The following ERGIC2 variants were observed in gnomAD, a reference collection of about 807,000 sequenced individuals.
The protein encoded by ERGIC2 is ERGIC and golgi 2.
Under a neutral mutation model 52.5 loss-of-function variants are expected in ERGIC2, and 31 were observed. The observed-to-expected ratio is 0.59, with a 90% CI of 0.44 to 0.80. ERGIC2 has a LOEUF of 0.80. Among genes scored for constraint, ERGIC2 ranks in the 30% least tolerant of loss-of-function variants. The probability of loss-of-function intolerance (pLI) is 0.00; values close to 1 mark genes in which losing one functional copy is unlikely to be tolerated. For synonymous variants in ERGIC2, 129 were observed against 140.6 expected (o/e 0.92, Z 0.58); for missense variants, 395 against 455.2 (o/e 0.87, Z 1.20).
In ERGIC2 at chr12:29,345,575, A is replaced by G. The variant is rs767152637; in HGVS notation, c.728-35T>C. ...AAAAAAAACTTTTTATCAATTCAGT[A>G]GCAACAAAACTACTGCCAAATATAT... On this transcript the variant is annotated intron_variant, in intron 10 of 13. Transcript: ENST00000360150. 9.9e-6 allele frequency: 11 copies of G among 1,114,804 alleles called. No homozygotes were observed. The South Asian group carries it at 1.4e-4, about 14-fold the overall frequency. The allele number at this position is 1,114,804 out of a possible 1,614,324, so 69.1% of individuals were successfully genotyped here.
intron 2 of ERGIC2, among the ~76,000 whole-genome samples, chr12:29,370,501 TAAGTA>T (rs1157630289): frequency 6.6e-6 from 1 of 151,952 alleles, no homozygotes; most frequent in African/African-American, 2.4e-5. Flanking sequence ...CATCTCTCAC[TAAGTA>T]GAGTTGACAA....
At chr12:29,379,333 C>T (rs1565547870) in intron 1 of ERGIC2, among the ~76,000 whole-genome samples, 1 of 151,834 alleles carries the variant, frequency 6.6e-6, no homozygotes, top group Non-Finnish European at 1.5e-5. Context: ...CTGAGCCACA[C>T]TACAACGTGA....
At chr12:29,342,965 G>A (rs552720892) in intron 12 of ERGIC2, among the ~76,000 whole-genome samples, 155 bp downstream of exon 12, 19 of 152,234 alleles carry the variant, frequency 1.2e-4, no homozygotes, top group African/African-American at 4.3e-4. Flanking sequence ...ATGTTTACTG[G>A]TTAGTCAATA....
rs1435857991 is a variant in ERGIC2, at chr12:29,356,408, T to G, written c.546A>C (p.Ala182=). The change falls in exon 8 of 14, where the codon GCA becomes GCC. Residue 182 remains alanine (A), a synonymous_variant. Transcript: ENST00000360150. Reference sequence around the variant, plus strand: ...TGCCCACTGTTATGTGAAAATTCCCTGCTACTTTATTGACATATAGATGGC... The same window carrying G: ...TGCCCACTGTTATGTGAAAATTCCCGGCTACTTTATTGACATATAGATGGC... ...IHGHLYVNKV[A]GNFHITVGKA... is the part of the protein sequence containing the mutation. The G allele has an allele frequency of 1.3e-6, 2 of 1,594,448 alleles. No homozygotes were observed. The highest frequency in any genetic ancestry group is 2.2e-5 in the South Asian group (2 of 90,664).
rs770812888 is a variant in ERGIC2, at chr12:29,350,001, G to C, written c.628+12C>G. On this transcript the variant is annotated intron_variant, in intron 9 of 13. Coordinates refer to ENST00000360150, the MANE Select transcript of ERGIC2 (RefSeq NM_016570.3). Reference sequence around the variant, plus strand: ...GTACATCTTTACTGAAAAAAAGTCAGAATCTGCTTACATTCATGGTTGACA... The same window carrying C: ...GTACATCTTTACTGAAAAAAAGTCACAATCTGCTTACATTCATGGTTGACA... 9 of 1,573,934 alleles carry C rather than the reference G, an allele frequency of 5.7e-6. No individual in the cohort carries two copies. The highest frequency in any genetic ancestry group is 1.4e-5 in the African/African-American group (1 of 73,960).
At chr12:29,345,753 C>A (rs1169050032) in intron 10 of ERGIC2, among the ~76,000 whole-genome samples, 1 of 151,942 alleles carries the variant, frequency 6.6e-6, no homozygotes, top group Non-Finnish European at 1.5e-5. Context: ...CGCGACCAGT[C>A]TGGTCAAGAG....
chr12:29,356,551 G>C, intron 7 of ERGIC2, 74 bp from the exon 8 acceptor site: 1 of 717,110 alleles, frequency 1.4e-6, no homozygotes, highest in Non-Finnish European at 2.3e-6. Context: ...AATGTGTATA[G>C]AAAAAAAAAT....
At chr12:29,351,419 T>C (rs142694252) in intron 8 of ERGIC2, among the ~76,000 whole-genome samples, 2 of 152,154 alleles carry the variant, frequency 1.3e-5, no homozygotes, top group Non-Finnish European at 2.9e-5. Flanking sequence ...ATAAAAATAT[T>C]CTTGCCTATA....
intron 5 of ERGIC2, among the ~76,000 whole-genome samples, chr12:29,362,534 T>G (rs149456443): frequency 6.6e-6 from 1 of 152,062 alleles, no homozygotes; most frequent in Non-Finnish European, 1.5e-5. Context: ...GAGGTGGAAG[T>G]TGCAGTGAGC....
At chr12:29,375,788 T>C (rs74782160) in intron 1 of ERGIC2, among the ~76,000 whole-genome samples, 2,342 of 152,226 alleles carry the variant, frequency 0.015, 57 homozygotes, top group African/African-American at 0.053. Flanking sequence ...CCATCCCTGT[T>C]TTCCAGGGGA....
At chr12:29,377,987 G>A (rs572037267) in intron 1 of ERGIC2, among the ~76,000 whole-genome samples, 1 of 152,278 alleles carries the variant, frequency 6.6e-6, no homozygotes, top group South Asian at 2.1e-4. Flanking sequence ...CCAAGTTGCA[G>A]TCTGAACTGT....
chr12:29,356,394 A>T lies in ERGIC2; in HGVS notation c.560T>A (p.Ile187Lys). 1 of 1,570,704 alleles carries T rather than the reference A, an allele frequency of 6.4e-7. No individual in the cohort carries two copies. Among genetic ancestry groups the T allele is most frequent in the Non-Finnish European group, 8.8e-7 (1 of 1,140,484 alleles). The change falls in exon 8 of 14, where the codon ATA becomes AAA. Residue 187 changes from isoleucine (I) to lysine (K), a missense_variant. By Grantham distance (102) the Ile-to-Lys change is moderately radical (BLOSUM62 -3). Transcript: ENST00000360150. Reference sequence around the variant, plus strand: ...GAAAAGAACATACTTGCCCACTGTTATGTGAAAATTCCCTGCTACTTTATT... The same window carrying T: ...GAAAAGAACATACTTGCCCACTGTTTTGTGAAAATTCCCTGCTACTTTATT... Reference protein sequence around the residue: ...YVNKVAGNFHITVGKAIPHPR... With the variant: ...YVNKVAGNFHKTVGKAIPHPR...
intron 1 of ERGIC2, chr12:29,380,750 G>C (rs1204366882): frequency 6.6e-6 from 1 of 152,358 alleles, no homozygotes. Context: ...ACTGGGACTC[G>C]ACCGATTGGG....
intron 5 of ERGIC2, among the ~76,000 whole-genome samples, chr12:29,363,889 A>G (rs1940319985): frequency 1.3e-5 from 2 of 152,016 alleles, no homozygotes; most frequent in African/African-American, 4.8e-5. Flanking sequence ...ACAGAATGCT[A>G]GAGAAACAGT....
chr12:29,374,076 C>T (rs557908497), intron 1 of ERGIC2, among the ~76,000 whole-genome samples: 4 of 152,070 alleles, frequency 2.6e-5, no homozygotes, highest in Non-Finnish European at 5.9e-5. Flanking sequence ...AGTCCAACTC[C>T]AACAATACAT....
At chr12:29,375,312 A>G (rs1355716828) in intron 1 of ERGIC2, among the ~76,000 whole-genome samples, 7 of 152,188 alleles carry the variant, frequency 4.6e-5, no homozygotes, top group Non-Finnish European at 1.0e-4. Flanking sequence ...AGCAGGAACC[A>G]TGTCTAACTT....
rs755870893 is a variant in ERGIC2 at position 29,356,470 on chromosome 12, C to T, written c.484G>A (p.Asp162Asn). The T allele has an allele frequency of 1.2e-5, 18 of 1,554,110 alleles. No individual in the cohort carries two copies. The highest frequency in any genetic ancestry group is 1.6e-5 in the Non-Finnish European group (18 of 1,126,224). Residue 162 changes from aspartate (D) to asparagine (N), a missense_variant, in exon 8 of 14, where the codon GAT (aspartate) becomes AAT (asparagine). Transcript: ENST00000360150. ...TSTALPPRED[D>N]SSQSPNACRI... Reference sequence around the variant, plus strand: ...CATGCATTTGGAGACTGTGATGAATCATCTTCTCTGTTAAAATAAGATATA... The same window carrying T: ...CATGCATTTGGAGACTGTGATGAATTATCTTCTCTGTTAAAATAAGATATA...
At chr12:29,355,205 T>C (rs966129380) in intron 8 of ERGIC2, among the ~76,000 whole-genome samples, 6 of 152,154 alleles carry the variant, frequency 3.9e-5, no homozygotes, top group Non-Finnish European at 8.8e-5. Flanking sequence ...CCTTGTTAAA[T>C]AGTCTCTTAT....
intron 10 of ERGIC2, among the ~76,000 whole-genome samples, chr12:29,347,409 T>C (rs1940069387): frequency 6.6e-6 from 1 of 152,224 alleles, no homozygotes; most frequent in East Asian, 1.9e-4. Flanking sequence ...CTGCCTGCAA[T>C]GCTCTCAAAA....
Sources: gnomAD v4.1 joint callset for allele counts (sites outside exome capture counted in the v4.1 genomes callset) on GRCh38, gnomAD v4.1.1 for gene constraint, MANE v1.5 for transcripts, NCBI Gene and HGNC (gene_info 2026-07-23, HGNC 2026-07-21) for gene names.